EIF2AK2: variants seen among roughly 807,000 people sequenced by gnomAD.
EIF2AK2 encodes the protein eukaryotic translation initiation factor 2 alpha kinase 2.
Under a neutral mutation model 70.5 loss-of-function variants are expected in EIF2AK2, and 40 were observed. That is an observed-to-expected ratio of 0.57 (90% CI 0.44 to 0.74). EIF2AK2 has a LOEUF of 0.74. Ranked by LOEUF, EIF2AK2 falls within the 30% of genes least tolerant of loss-of-function variation. The pLI is 0.00. For missense variants in EIF2AK2, 555 were observed against 644.3 expected (o/e 0.86, Z 1.50); for synonymous variants, 198 against 220.9 (o/e 0.90, Z 0.92).
rs535797120 is a variant in EIF2AK2, at chr2:37,146,016, A to AG, written c.240+836dup. ...TGATCCACCCGCCTCAGCTTCCCAA[A>AG]GTGCTAGGATTACAGGTGTGAGCCA... On this transcript the variant is annotated intron_variant, in intron 4 of 16. Coordinates refer to ENST00000233057, the MANE Select transcript of EIF2AK2 (RefSeq NM_001135651.3). Among the ~76,000 whole-genome samples, 22 of 152,000 alleles carry AG rather than the reference A, an allele frequency of 1.4e-4. No homozygotes were observed. In the East Asian group the frequency reaches 4.1e-3, roughly 28 times the overall value.
At chr2:37,130,815 G>A (rs1674913972) in intron 10 of EIF2AK2, among the ~76,000 whole-genome samples, 1 of 152,098 alleles carries the variant, frequency 6.6e-6, no homozygotes, top group African/African-American at 2.4e-5. Context: ...TTCAATATGT[G>A]GACAATTTAC....
In EIF2AK2 at chr2:37,101,765, A is replaced by G. The variant is rs149593932; in HGVS notation, c.*5508T>C. ...ATCAACCAAATGCAATGTTGGATCT[A>G]GATTTCAACAACCAAGAAAACTGTA... On this transcript the variant is annotated 3_prime_UTR_variant, in exon 17 of 17. Coordinates refer to ENST00000233057, the MANE Select transcript of EIF2AK2 (RefSeq NM_001135651.3). 1 of 152,352 alleles carries G rather than the reference A, an allele frequency of 6.6e-6. No homozygotes were observed. Among genetic ancestry groups the G allele is most frequent in the East Asian group, 1.9e-4 (1 of 5,188 alleles). 9.4% of individuals were successfully genotyped at this position (152,352 alleles called of 1,614,324 possible). A position where few individuals can be genotyped will look rare whatever the true frequency, so the allele number is the denominator to read the frequency against.
chr2:37,147,479 C>T (rs1675590419), intron 3 of EIF2AK2, among the ~76,000 whole-genome samples: 1 of 119,096 alleles, frequency 8.4e-6, no homozygotes, highest in Non-Finnish European at 1.6e-5. Flanking sequence ...CACCCCACAA[C>T]AGTCCCTGGT....
intron 4 of EIF2AK2, among the ~76,000 whole-genome samples, chr2:37,146,070 G>A (rs527938680): frequency 1.3e-5 from 2 of 152,080 alleles, no homozygotes; most frequent in South Asian, 2.1e-4. Flanking sequence ...CTTTTATACT[G>A]TATTTTTACC....
rs1275743706 is a variant in EIF2AK2 at position 37,141,647 on chromosome 2, C to A, written c.295G>T (p.Gly99Trp). 3 of 1,613,698 alleles carry A rather than the reference C, an allele frequency of 1.9e-6. No homozygotes were observed. The highest frequency in any genetic ancestry group is 2.5e-6 in the Non-Finnish European group (3 of 1,179,936). Residue 99 changes from glycine (G) to tryptophan (W), a missense_variant, in exon 5 of 17, where the codon GGG (glycine) becomes TGG (tryptophan). Gly to Trp is a radical substitution (Grantham distance 184). This residue lies in a region of EIF2AK2 where 208 missense variants were observed against 191.8 expected (regional missense o/e 1.08). Transcript: ENST00000233057. The part of the protein sequence containing the change: ...TTNSSEGLSM[G>W]NYIGLINRIA... ...CTATTGATAAGGCCTATGTAATTCC[C>A]CATGGATAATCCTTCTGAAGAATTC...
chr2:37,112,070 G>A (rs1390049022), intron 14 of EIF2AK2, among the ~76,000 whole-genome samples: 1 of 151,262 alleles, frequency 6.6e-6, no homozygotes, highest in Non-Finnish European at 1.5e-5. Flanking sequence ...CCTTGAGCTG[G>A]GCCATGCATT....
At chr2:37,132,129 T>C (rs1674962940) in intron 10 of EIF2AK2, among the ~76,000 whole-genome samples, 1 of 152,178 alleles carries the variant, frequency 6.6e-6, no homozygotes, top group Non-Finnish European at 1.5e-5. Context: ...AGGCTGACTA[T>C]TGGGCAAAAC....
At chr2:37,114,139 A>G (rs1323023727) in intron 14 of EIF2AK2, among the ~76,000 whole-genome samples, 1 of 152,120 alleles carries the variant, frequency 6.6e-6, no homozygotes, top group Non-Finnish European at 1.5e-5. Context: ...ATTAATAAAA[A>G]TAAAAATAAT....
chr2:37,153,124 AT>A (rs35602398), intron 1 of EIF2AK2, among the ~76,000 whole-genome samples: 69,134 of 150,154 alleles, frequency 0.46, 16,284 homozygotes, highest in East Asian at 0.77. Flanking sequence ...AACCATTGTG[AT>A]TTTTTTTTTT....
chr2:37,146,754 G>C (rs4648169), intron 4 of EIF2AK2, 99 bp downstream of exon 4: 58,658 of 1,432,736 alleles, frequency 0.041, 1,382 homozygotes, highest in Middle Eastern at 0.049. Flanking sequence ...AAGGGAACGT[G>C]TGAATGGCTT....
chr2:37,150,591 T>C (rs1161398871), intron 1 of EIF2AK2, among the ~76,000 whole-genome samples: 2 of 152,202 alleles, frequency 1.3e-5, no homozygotes, highest in African/African-American at 4.8e-5. Context: ...TGAGGACCGC[T>C]TGTAGCCGGG....
chr2:37,120,864 TG>T (rs1674519716), intron 12 of EIF2AK2, among the ~76,000 whole-genome samples: 1 of 147,884 alleles, frequency 6.8e-6, no homozygotes. Context: ...CTCGGGAGGA[TG>T]AGGCACGAGA....
Position 37,131,526 on chromosome 2 carries a change from G to A in EIF2AK2, c.785+3958C>T, listed in dbSNP as rs1674938648. On this transcript the variant is annotated intron_variant, in intron 10 of 16. Coordinates refer to ENST00000233057, the MANE Select transcript of EIF2AK2 (RefSeq NM_001135651.3). ...CTCCATCTCATCCTCTCACATGCAA[G>A]CCCTACATTCAACCCTCCATCTCTC... is the stretch of plus-strand genomic sequence containing the variant. Among the ~76,000 whole-genome samples, 3 of 152,020 alleles carry A rather than the reference G, an allele frequency of 2.0e-5. No homozygotes were observed. In the South Asian group the frequency reaches 6.2e-4, roughly 32 times the overall value.
intron 15 of EIF2AK2, among the ~76,000 whole-genome samples, chr2:37,108,630 T>C (rs1399499998): frequency 2.6e-5 from 4 of 152,126 alleles, no homozygotes; most frequent in Non-Finnish European, 5.9e-5. Flanking sequence ...AGTGCAGTGG[T>C]GTGATCTTGG....
rs560262522 is a variant in EIF2AK2 at position 37,127,295 on chromosome 2, C to G, written c.786-884G>C. Among the ~76,000 whole-genome samples the G allele has an allele frequency of 6.6e-5, 10 of 152,306 alleles. No homozygotes were observed. In the East Asian group the frequency reaches 1.5e-3, roughly 23 times the overall value. On this transcript the variant is annotated intron_variant, in intron 10 of 16. Transcript: ENST00000233057. The stretch of plus-strand genomic sequence containing the variant: ...CAGTACCTCGTTAACTGGATCCCCA[C>G]TTCCTCTCTTCCCCCACTCCAATCT...
At chr2:37,153,332 C>G (rs913818891) in intron 1 of EIF2AK2, among the ~76,000 whole-genome samples, 2 of 96,928 alleles carry the variant, frequency 2.1e-5, no homozygotes, top group Non-Finnish European at 4.7e-5. Flanking sequence ...TCAGTCTCTG[C>G]TAATCTTTTT....
rs1043260181 is a variant in EIF2AK2, at chr2:37,104,527, C to G, written c.*2746G>C. 1 of 152,056 alleles carries G rather than the reference C, an allele frequency of 6.6e-6. No homozygotes were observed. Among genetic ancestry groups the G allele is most frequent in the Non-Finnish European group, 1.5e-5 (1 of 68,046 alleles). The allele number at this position is 152,056 out of a possible 1,614,324, so 9.4% of individuals were successfully genotyped here. On this transcript the variant is annotated 3_prime_UTR_variant, in exon 17 of 17. Transcript: ENST00000233057. ...TAGAGATGAGAACTCACTGTGTTGC[C>G]CAGGCTAGTCTCAAAATCCTATGCT...
intron 8 of EIF2AK2, 43 bp from the exon 9 acceptor site, chr2:37,137,060 C>A (rs1156384150): frequency 1.3e-6 from 2 of 1,521,834 alleles, no homozygotes; most frequent in Admixed American, 2.0e-5. Context: ...ATGACTAAAT[C>A]AGTCATCTTC....
intron 3 of EIF2AK2, 121 bp downstream of exon 3, chr2:37,147,567 G>T (rs1408797263): frequency 3.7e-6 from 2 of 539,322 alleles, no homozygotes; most frequent in Non-Finnish European, 6.5e-6. Flanking sequence ...GCGGTGTTTG[G>T]TTTTTTTGTC....
Sources: allele counts gnomAD v4.1 joint callset (sites outside exome capture counted in the v4.1 genomes callset), GRCh38; gene constraint gnomAD v4.1.1; regional missense constraint gnomAD v4.1.1; transcripts MANE v1.5; gene names NCBI Gene and HGNC (gene_info 2026-07-23, HGNC 2026-07-21).